The following DOCK5 variants were observed in gnomAD, a reference collection of about 807,000 sequenced individuals.
The protein encoded by DOCK5 is dedicator of cytokinesis 5, also known as dedicator of cytokinesis protein 5.
In DOCK5, 142 loss-of-function variants were observed where a neutral mutation model predicts 251.8. The ratio of observed to expected loss-of-function variants is 0.56; its 90% CI spans 0.49 to 0.65. The LOEUF is 0.65. Among genes scored for constraint, DOCK5 ranks in the 30% least tolerant of loss-of-function variants. The probability of loss-of-function intolerance (pLI) is 0.00; values close to 1 mark genes in which losing one functional copy is unlikely to be tolerated. For synonymous variants in DOCK5, 842 were observed against 835.5 expected (o/e 1.01, Z -0.13); for missense variants, 2,111 against 2,312.3 (o/e 0.91, Z 1.79).
chr8:25,206,108 T>C (rs554555773), intron 1 of DOCK5, among the ~76,000 whole-genome samples: 4 of 152,140 alleles, frequency 2.6e-5, no homozygotes, highest in Non-Finnish European at 4.4e-5. Flanking sequence ...AGTTGAACTT[T>C]ATAGAGATGG....
At chr8:25,236,077 C>T (rs543741643) in intron 1 of DOCK5, among the ~76,000 whole-genome samples, 5 of 152,282 alleles carry the variant, frequency 3.3e-5, no homozygotes, top group African/African-American at 1.2e-4. Flanking sequence ...GAATGACAGA[C>T]ATGAGCCACT....
At position 25,351,809 on chromosome 8, in the gene DOCK5, C is replaced by T. The variant is rs552784556; in HGVS notation, c.2833C>T (p.Arg945Trp). The T allele has an allele frequency of 1.0e-3, 1,683 of 1,613,736 alleles. 22 individuals are homozygous for T. The South Asian group carries it at 0.017, about 16-fold the overall frequency. The change falls in exon 27 of 52, where the codon CGG (arginine) becomes TGG (tryptophan). Residue 945 changes from arginine (R) to tryptophan (W), a missense_variant. This residue lies in a region of DOCK5 where 1,717 missense variants were observed against 1,892.4 expected (regional missense o/e 0.91). Transcript: ENST00000276440. Reference protein sequence around the residue: ...RINRTVIGMNRQSPHIGSFVA... With the variant: ...RINRTVIGMNWQSPHIGSFVA... ...CAACCGGACAGTGATTGGGATGAAC[C>T]GGCAGTCTCCCCACATCGTGAGTAT...
intron 1 of DOCK5, among the ~76,000 whole-genome samples, chr8:25,230,363 G>A (rs1393186579): frequency 6.6e-6 from 1 of 152,152 alleles, no homozygotes; most frequent in Non-Finnish European, 1.5e-5. Context: ...GTTGGAGGAA[G>A]CCTCTCACGT....
intron 41 of DOCK5, among the ~76,000 whole-genome samples, chr8:25,389,572 G>A (rs1454667653): frequency 6.6e-6 from 1 of 152,218 alleles, no homozygotes; most frequent in African/African-American, 2.4e-5. Context: ...GGGTTGGGGA[G>A]CTAAGACTTT....
intron 48 of DOCK5, among the ~76,000 whole-genome samples, chr8:25,404,346 T>C (rs1801488744): frequency 6.6e-6 from 1 of 152,246 alleles, no homozygotes; most frequent in South Asian, 2.1e-4. Context: ...TAGCTATAGA[T>C]ATGGCTCATT....
chr8:25,195,873 G>A (rs1346860867), intron 1 of DOCK5, among the ~76,000 whole-genome samples: 1 of 152,208 alleles, frequency 6.6e-6, no homozygotes, highest in African/African-American at 2.4e-5. Context: ...CCCTGGAATA[G>A]CACCTGGCTC....
intron 27 of DOCK5, among the ~76,000 whole-genome samples, chr8:25,357,453 A>G (rs1800597393): frequency 7.3e-6 from 1 of 136,880 alleles, no homozygotes; most frequent in African/African-American, 2.8e-5. Context: ...ATCTCGGCTC[A>G]CTGCGTCTCT....
intron 2 of DOCK5, among the ~76,000 whole-genome samples, chr8:25,266,802 T>TAC (rs751932886): frequency 1.3e-5 from 2 of 149,932 alleles, no homozygotes; most frequent in Non-Finnish European, 2.9e-5. Context: ...AGGTAGGGCT[T>TAC]ACACACACAC....
intron 45 of DOCK5, among the ~76,000 whole-genome samples, chr8:25,397,009 C>T (rs1586393970): frequency 3.3e-5 from 5 of 151,992 alleles, no homozygotes; most frequent in Admixed American, 3.3e-4. Context: ...CACCTGAGGC[C>T]AAGAGATAGA....
At chr8:25,345,292 C>T (rs144159317) in intron 25 of DOCK5, 183 bp from the exon 26 acceptor site, 102 of 543,532 alleles carry the variant, frequency 1.9e-4, no homozygotes, top group Non-Finnish European at 2.7e-4. Flanking sequence ...GCGCATTGAA[C>T]AAGGGTAAAG....
intron 1 of DOCK5, among the ~76,000 whole-genome samples, chr8:25,194,674 T>C (rs547789642): frequency 3.3e-5 from 5 of 152,274 alleles, no homozygotes; most frequent in African/African-American, 1.2e-4. Flanking sequence ...CCCAGTGTTT[T>C]TCTTAACAGG....
chr8:25,217,254 A>G (rs1213886943), intron 1 of DOCK5, among the ~76,000 whole-genome samples: 6 of 151,006 alleles, frequency 4.0e-5, no homozygotes, highest in Non-Finnish European at 7.4e-5. Flanking sequence ...ATATGTATAT[A>G]TGTATACTAT....
At chr8:25,190,418 C>G (rs1018104144) in intron 1 of DOCK5, among the ~76,000 whole-genome samples, 13 of 152,062 alleles carry the variant, frequency 8.5e-5, no homozygotes, top group African/African-American at 3.1e-4. Context: ...TAGTCACGAG[C>G]ATATATGATT....
chr8:25,405,162 G>A (rs942906927), intron 48 of DOCK5, among the ~76,000 whole-genome samples: 2 of 151,508 alleles, frequency 1.3e-5, no homozygotes, highest in South Asian at 4.2e-4. Flanking sequence ...TTATTGAGTT[G>A]TGCTGATTTT....
At chr8:25,389,729 T>G (rs1434030502) in intron 41 of DOCK5, among the ~76,000 whole-genome samples, 1 of 152,118 alleles carries the variant, frequency 6.6e-6, no homozygotes, top group Non-Finnish European at 1.5e-5. Flanking sequence ...AATAAGAATA[T>G]CCCTCATGTA....
chr8:25,233,937 T>G (rs1802733349), intron 1 of DOCK5, among the ~76,000 whole-genome samples: 1 of 152,170 alleles, frequency 6.6e-6, no homozygotes, highest in African/African-American at 2.4e-5. Context: ...CTCACTGCAA[T>G]TTCAGTAGGG....
chr8:25,335,772 C>T (rs192181775), intron 21 of DOCK5, among the ~76,000 whole-genome samples: 1 of 152,228 alleles, frequency 6.6e-6, no homozygotes, highest in African/African-American at 2.4e-5. Flanking sequence ...GTGAGCTCCT[C>T]TTTCTTCACT....
chr8:25,246,562 C>G (rs77819596), intron 2 of DOCK5, among the ~76,000 whole-genome samples: 8,431 of 152,236 alleles, frequency 0.055, 545 homozygotes, highest in African/African-American at 0.16. Context: ...CAGGTGTAAG[C>G]CACCGCACCT....
intron 3 of DOCK5, among the ~76,000 whole-genome samples, chr8:25,274,853 T>C (rs912752058): frequency 3.3e-5 from 5 of 152,148 alleles, no homozygotes; most frequent in African/African-American, 1.2e-4. Flanking sequence ...TCTTGGGACA[T>C]GAAACCTGTG....
Sources: allele counts gnomAD v4.1 joint callset (sites outside exome capture counted in the v4.1 genomes callset), GRCh38; gene constraint gnomAD v4.1.1; regional missense constraint gnomAD v4.1.1; transcripts MANE v1.5; gene names NCBI Gene and HGNC (gene_info 2026-07-23, HGNC 2026-07-21).